The following MSI2 variants were observed in gnomAD, a reference collection of about 807,000 sequenced individuals.
MSI2 encodes RNA-binding protein Musashi homolog 2.
MSI2 carries 17 observed loss-of-function variants against 45.6 expected under a neutral mutation model. The ratio of observed to expected loss-of-function variants is 0.37; its 90% confidence interval spans 0.26 to 0.56. MSI2 has a LOEUF of 0.56. Among genes scored for constraint, MSI2 ranks in the 20% least tolerant of loss-of-function variants. MSI2 has a pLI of 0.77. For synonymous variants in MSI2, 156 were observed against 158.2 expected, an observed-to-expected ratio of 0.99 and a Z score of 0.11; for missense variants, 293 against 444.2, an observed-to-expected ratio of 0.66 and a Z score of 3.06.
intron 5 of MSI2, among the ~76,000 whole-genome samples, chr17:57,309,678 A>G (rs904979278): frequency 6.6e-6 from 1 of 152,212 alleles, no homozygotes; most frequent in African/African-American, 2.4e-5. Flanking sequence ...TCAGGAAAGC[A>G]GGTGTTAGTG....
At chr17:57,439,709 C>G (rs1337867601) in intron 6 of MSI2, among the ~76,000 whole-genome samples, 6 of 152,168 alleles carry the variant, frequency 3.9e-5, no homozygotes, top group Admixed American at 2.6e-4. Context: ...CAGGCGTGCG[C>G]CACCTTGCCC....
chr17:57,450,532 T>C (rs934406765), intron 6 of MSI2, among the ~76,000 whole-genome samples: 2 of 151,566 alleles, frequency 1.3e-5, no homozygotes, highest in African/African-American at 4.9e-5. Flanking sequence ...TATCCAGGCG[T>C]GGTGGTGCAT....
chr17:57,553,337 A>G (rs936665922), intron 7 of MSI2, among the ~76,000 whole-genome samples: 1 of 152,188 alleles, frequency 6.6e-6, no homozygotes, highest in South Asian at 2.1e-4. Context: ...TCACTCGGCA[A>G]TTTTTCAAAA....
intron 5 of MSI2, among the ~76,000 whole-genome samples, chr17:57,275,027 G>A (rs1908723904): frequency 6.6e-6 from 1 of 152,156 alleles, no homozygotes; most frequent in South Asian, 2.1e-4. Context: ...CTCGAACATG[G>A]GAAAGATACA....
intron 5 of MSI2, among the ~76,000 whole-genome samples, chr17:57,321,121 T>A (rs1371058473): frequency 1.3e-5 from 2 of 151,822 alleles, no homozygotes; most frequent in Non-Finnish European, 2.9e-5. Context: ...CCTGGGATGG[T>A]CTAGCTTCTT....
At chr17:57,506,465 T>C (rs1452829582) in intron 6 of MSI2, among the ~76,000 whole-genome samples, 1 of 152,218 alleles carries the variant, frequency 6.6e-6, no homozygotes, top group Non-Finnish European at 1.5e-5. Context: ...GTCTCACAAG[T>C]GGATAAACAT....
In MSI2 at chr17:57,664,193, A is replaced by G. The variant is rs1485427914; in HGVS notation, c.791-10779A>G. On this transcript the variant is annotated intron_variant, in intron 11 of 13. Transcript: ENST00000284073. ...AGCTGGAAATCCCTTTTCCTTGGAG[A>G]TAGGAACAGGGACAGTGACAGTGCC... Among the ~76,000 whole-genome samples the G allele has an allele frequency of 3.9e-5, 6 of 152,250 alleles. No homozygotes were observed. The East Asian group carries it at 7.7e-4, about 20-fold the overall frequency.
intron 7 of MSI2, among the ~76,000 whole-genome samples, chr17:57,583,502 T>C (rs960730369): frequency 6.7e-6 from 1 of 150,326 alleles, no homozygotes; most frequent in African/African-American, 2.5e-5. Flanking sequence ...TTTTTTTTTT[T>C]TTTTTGAGAC....
At chr17:57,688,534 A>G (rs1033395846), downstream of MSI2, among the ~76,000 whole-genome samples, 2 of 152,204 alleles carry the variant, frequency 1.3e-5, no homozygotes, top group Non-Finnish European at 2.9e-5. Context: ...GCAGCCATTA[A>G]AACAGGTAAC....
chr17:57,376,434 A>G (rs1312600235), intron 5 of MSI2, among the ~76,000 whole-genome samples: 1 of 152,148 alleles, frequency 6.6e-6, no homozygotes, highest in Non-Finnish European at 1.5e-5. Flanking sequence ...CTTGGTTTTC[A>G]TTGCTCAAAT....
chr17:57,262,908 G>A (rs1277457669), intron 5 of MSI2, among the ~76,000 whole-genome samples: 5 of 152,210 alleles, frequency 3.3e-5, no homozygotes, highest in Non-Finnish European at 7.3e-5. Flanking sequence ...ACAGTTGCTT[G>A]AAGCCTAAGG....
chr17:57,561,265 G>T (rs1228522447), intron 7 of MSI2, among the ~76,000 whole-genome samples: 2 of 152,100 alleles, frequency 1.3e-5, no homozygotes, highest in African/African-American at 4.8e-5. Context: ...CTAGGTGGAG[G>T]GTGGGAACAT....
intron 6 of MSI2, among the ~76,000 whole-genome samples, chr17:57,527,849 T>C (rs940311566): frequency 6.6e-6 from 1 of 152,232 alleles, no homozygotes; most frequent in Admixed American, 6.5e-5. Context: ...AAAATACGTT[T>C]GATTTGTCTG....
At chr17:57,380,334 C>T (rs757973446) in intron 5 of MSI2, among the ~76,000 whole-genome samples, 11 of 152,148 alleles carry the variant, frequency 7.2e-5, no homozygotes, top group African/African-American at 1.9e-4. Flanking sequence ...CCACAGCGGG[C>T]GGCCTGGGCA....
At chr17:57,475,773 CTG>C (rs1374347210) in intron 6 of MSI2, among the ~76,000 whole-genome samples, 1 of 150,064 alleles carries the variant, frequency 6.7e-6, no homozygotes, top group Non-Finnish European at 1.5e-5. Flanking sequence ...AGAGTGTTGT[CTG>C]TGTGTGTATG....
At chr17:57,269,646 T>C (rs1027434215) in intron 5 of MSI2, among the ~76,000 whole-genome samples, 4 of 152,192 alleles carry the variant, frequency 2.6e-5, no homozygotes, top group African/African-American at 9.7e-5. Context: ...GACCATGATA[T>C]AGATACAATT....
intron 13 of MSI2, 76 bp downstream of exon 13, chr17:57,677,135 G>T: frequency 1.0e-6 from 1 of 993,262 alleles, no homozygotes; most frequent in Non-Finnish European, 1.6e-6. Context: ...ATACATGCAC[G>T]TGCGTGCCCC....
rs931239398 is a variant in MSI2 at position 57,633,220 on chromosome 17, C to T, written c.727+5917C>T. The T allele has an allele frequency of 3.0e-6, 3 of 996,086 alleles. 1 individual carries two copies. The highest frequency in any genetic ancestry group is 3.5e-5 in the African/African-American group (2 of 57,866). The allele number at this position is 996,086 out of a possible 1,614,324, so 61.7% of individuals were successfully genotyped here. A position where few individuals can be genotyped will look rare whatever the true frequency, so the allele number is the denominator to read the frequency against. On this transcript the variant is annotated intron_variant, in intron 10 of 13. Transcript: ENST00000284073. ...CTGCCGTCTCTTAGCCTGACAGTGT[C>T]CTGTTCTCGCTCCGGGGGAGGTGAA...
At chr17:57,393,946 T>C (rs1377493265) in intron 5 of MSI2, among the ~76,000 whole-genome samples, 1 of 152,172 alleles carries the variant, frequency 6.6e-6, no homozygotes, top group Non-Finnish European at 1.5e-5. Context: ...CCTCCCAAGG[T>C]GCTGGGATTA....
Sources: allele counts gnomAD v4.1 joint callset (sites outside exome capture counted in the v4.1 genomes callset), GRCh38; gene constraint gnomAD v4.1.1; transcripts MANE v1.5; gene names NCBI Gene and HGNC (gene_info 2026-07-23, HGNC 2026-07-21).